CHM: variants seen among roughly 807,000 people sequenced by gnomAD.
CHM encodes rab proteins geranylgeranyltransferase component A 1.
Under a neutral mutation model 49.0 loss-of-function variants are expected in CHM, and 10 were observed. The ratio of observed to expected loss-of-function variants is 0.20; its 90% CI spans 0.13 to 0.35. The LOEUF (loss-of-function observed/expected upper bound fraction) is 0.35, where lower values mean the gene tolerates loss of function less well. CHM is among the 10% of genes least tolerant of loss of function. The pLI is 1.00. For missense variants in CHM, 455 were observed against 478.4 expected (o/e 0.95, Z 0.46); for synonymous variants, 184 against 167.5 (o/e 1.10, Z -0.76).
At chrX:85,920,257 A>G (rs778635879) in intron 8 of CHM, among the ~76,000 whole-genome samples, 222 of 109,304 alleles carry the variant, frequency 2.0e-3, no homozygotes, top group African/African-American at 6.6e-3. Flanking sequence ...CACCACACCC[A>G]GCTAATTTTT....
intron 11 of CHM, among the ~76,000 whole-genome samples, chrX:85,896,812 TTATATAA>T (rs1273284780): frequency 9.8e-6 from 1 of 101,833 alleles, no homozygotes; most frequent in African/African-American, 3.6e-5. Context: ...GAGTACAAAC[TTATATAA>T]TATATAATTA....
intron 8 of CHM, 68 bp downstream of exon 8, chrX:85,956,085 T>G: frequency 1.1e-6 from 1 of 900,021 alleles, no homozygotes; most frequent in Non-Finnish European, 1.6e-6. Flanking sequence ...CATTTTTGCC[T>G]GCCTAATTTT....
At chrX:85,949,590 G>A (rs906139673) in intron 8 of CHM, among the ~76,000 whole-genome samples, 44 of 110,608 alleles carry the variant, frequency 4.0e-4, no homozygotes, top group African/African-American at 1.4e-3. Context: ...GTTGATAGAA[G>A]GACCTTTGGT....
At chrX:85,998,835 C>A (rs1932565959) in intron 2 of CHM, among the ~76,000 whole-genome samples, 1 of 110,931 alleles carries the variant, frequency 9.0e-6, no homozygotes, top group African/African-American at 3.3e-5. Context: ...AAGTTGGGGA[C>A]AATCTATATT....
chrX:85,877,074 A>G (rs1414451666), intron 13 of CHM, among the ~76,000 whole-genome samples: 2 of 111,509 alleles, frequency 1.8e-5, no homozygotes, highest in African/African-American at 6.5e-5. Flanking sequence ...CTATGACTCC[A>G]TATTAGATTT....
chrX:85,926,228 T>C (rs1212726517), intron 8 of CHM, among the ~76,000 whole-genome samples: 1 of 111,714 alleles, frequency 9.0e-6, no homozygotes, highest in Non-Finnish European at 1.9e-5. Context: ...CCTTCCATAT[T>C]GTGTTTAAAC....
intron 2 of CHM, among the ~76,000 whole-genome samples, chrX:85,983,264 A>G (rs1931727565): frequency 1.8e-5 from 2 of 110,709 alleles, no homozygotes; most frequent in Non-Finnish European, 3.8e-5. Context: ...AGAATCTCCA[A>G]TGGTCTTTAA....
intron 8 of CHM, among the ~76,000 whole-genome samples, chrX:85,915,812 G>A (rs1002336136): frequency 1.2e-4 from 13 of 111,847 alleles, no homozygotes; most frequent in African/African-American, 3.9e-4. Context: ...ACAAACAAAT[G>A]GAAAAACATT....
chrX:85,939,825 C>T (rs1040913153), intron 8 of CHM, among the ~76,000 whole-genome samples: 2 of 111,978 alleles, frequency 1.8e-5, no homozygotes, highest in Non-Finnish European at 3.8e-5. Context: ...GTTCAAATGC[C>T]AACACATCTA....
At chrX:85,995,585 TC>T (rs1205999146) in intron 2 of CHM, among the ~76,000 whole-genome samples, 3 of 112,377 alleles carry the variant, frequency 2.7e-5, no homozygotes, top group Non-Finnish European at 5.6e-5. Context: ...CCTGGTTCTT[TC>T]CCTTAATACG....
chrX:85,937,442 T>C (rs1294592056), intron 8 of CHM, among the ~76,000 whole-genome samples: 1 of 110,086 alleles, frequency 9.1e-6, no homozygotes, highest in Non-Finnish European at 1.9e-5. Context: ...ATAGTATACA[T>C]ATATAACATA....
At chrX:85,981,901 A>G in intron 2 of CHM, 92 bp from the exon 3 acceptor site, 1 of 691,692 alleles carries the variant, frequency 1.4e-6, no homozygotes, top group Middle Eastern at 4.7e-4. Flanking sequence ...TAACCCTTAA[A>G]CTTACTTCAC....
intron 6 of CHM, among the ~76,000 whole-genome samples, 177 bp downstream of exon 6, chrX:85,958,684 G>C (rs1930131890): frequency 8.9e-6 from 1 of 111,790 alleles, no homozygotes; most frequent in Non-Finnish European, 1.9e-5. Flanking sequence ...TGCAGAGTAA[G>C]CCATGAGAAA....
intron 8 of CHM, among the ~76,000 whole-genome samples, chrX:85,945,863 A>G (rs1158545725): frequency 1.8e-5 from 2 of 111,934 alleles, no homozygotes; most frequent in Non-Finnish European, 3.8e-5. Context: ...TGACAGTTAT[A>G]TGGACAATGA....
intron 2 of CHM, among the ~76,000 whole-genome samples, chrX:86,001,960 T>C (rs1393758816): frequency 1.8e-5 from 2 of 111,084 alleles, no homozygotes; most frequent in South Asian, 7.7e-4. Flanking sequence ...CTCTGAAAAT[T>C]GCATGCAATT....
At chrX:85,984,205 AAAAAAATAAAAAAT>A (rs888687263) in intron 2 of CHM, among the ~76,000 whole-genome samples, 2 of 111,123 alleles carry the variant, frequency 1.8e-5, no homozygotes, top group African/African-American at 6.5e-5. Context: ...TCTGTCTCAA[AAAAAAATAAAAAAT>A]AAAAAATAAA....
Position 86,039,545 on chromosome X carries a change from C to T in CHM, c.49+7939G>A, listed in dbSNP as rs754735598. On this transcript the variant is annotated intron_variant, in intron 1 of 14. Coordinates refer to ENST00000357749, the MANE Select transcript of CHM (RefSeq NM_000390.4). ...AAAAAAAAAAAGACAGGTGAGAATA[C>T]TCAAAAGAAAGAGTAGAAGTTAGTG... Among the ~76,000 whole-genome samples, 498 of 100,245 alleles carry T rather than the reference C, an allele frequency of 5.0e-3. 3 individuals are homozygous for T. Among genetic ancestry groups the T allele is most frequent in the Non-Finnish European group, 7.6e-3 (379 of 49,943 alleles). The allele number at this position is 100,245 out of a possible 115,157, so 87.1% of individuals were successfully genotyped here.
rs754739047 is a variant in CHM at position 85,977,192 on chromosome X, C to T, written c.314+1575G>A. 3.6e-5 allele frequency among the ~76,000 whole-genome samples: 4 copies of T among 112,017 alleles called. No homozygotes were observed. In the South Asian group the frequency reaches 1.5e-3, roughly 42 times the overall value. On this transcript the variant is annotated intron_variant, in intron 4 of 14. Transcript: ENST00000357749. ...GGATTTTCTGTACTTTCTCTACTTT[C>T]CTGATGTTCTCAAGGCTTTTCCTGC...
intron 4 of CHM, among the ~76,000 whole-genome samples, chrX:85,966,679 A>C (rs967201790): frequency 1.5e-4 from 17 of 112,289 alleles, no homozygotes; most frequent in African/African-American, 5.5e-4. Context: ...TTTTTCAGTA[A>C]AAGTTCCATG....
Sources: allele counts gnomAD v4.1 joint callset (sites outside exome capture counted in the v4.1 genomes callset), GRCh38; gene constraint gnomAD v4.1.1; transcripts MANE v1.5; gene names NCBI Gene and HGNC (gene_info 2026-07-23, HGNC 2026-07-21).